The following MCF2L2 variants were observed in gnomAD, a reference collection of about 807,000 sequenced individuals.
MCF2L2 encodes the protein probable guanine nucleotide exchange factor MCF2L2.
Under a neutral mutation model 150.2 loss-of-function variants are expected in MCF2L2, and 102 were observed. The observed-to-expected ratio is 0.68, with a 90% CI of 0.58 to 0.80. MCF2L2 has a LOEUF of 0.80. MCF2L2 is among the 30% of genes least tolerant of loss of function. The probability of loss-of-function intolerance (pLI) is 0.00; values close to 1 mark genes in which losing one functional copy is unlikely to be tolerated. For missense variants in MCF2L2, 1,256 were observed against 1,372.8 expected (o/e 0.91, Z 1.34); for synonymous variants, 465 against 491.3 (o/e 0.95, Z 0.71).
At chr3:183,411,112 T>A (rs1715295635) in intron 1 of MCF2L2, among the ~76,000 whole-genome samples, 2 of 152,224 alleles carry the variant, frequency 1.3e-5, no homozygotes, top group African/African-American at 4.8e-5. Context: ...ATCCTGGTCC[T>A]GCCACTTACC....
intron 3 of MCF2L2, among the ~76,000 whole-genome samples, chr3:183,370,758 A>G (rs1712826006): frequency 6.6e-6 from 1 of 152,160 alleles, no homozygotes; most frequent in Admixed American, 6.5e-5. Flanking sequence ...GCCCTTTACT[A>G]CAATTTACTT....
In MCF2L2 at chr3:183,318,132, G is replaced by A; in HGVS notation, c.689C>T (p.Pro230Leu). The A allele has an allele frequency of 1.2e-6, 2 of 1,614,152 alleles. No homozygotes were observed. The highest frequency in any genetic ancestry group is 1.7e-6 in the Non-Finnish European group (2 of 1,180,030). Reference sequence around the variant, plus strand: ...GTCTTCCGTGGATAGCATGCTTCTGGGCAGCTCTGCTGTGGCCAGGCAGGA... The same window carrying A: ...GTCTTCCGTGGATAGCATGCTTCTGAGCAGCTCTGCTGTGGCCAGGCAGGA... ...FGSCLATAEL[P>L]RSMLSTEDLL... Residue 230 changes from proline to leucine, a missense_variant, in exon 7 of 30, where the codon CCC (proline) becomes CTC (leucine). By Grantham distance (98) the Pro-to-Leu change is moderately conservative. Transcript: ENST00000328913.
chr3:183,201,492 G>C (rs1165528344), intron 25 of MCF2L2, among the ~76,000 whole-genome samples: 2 of 152,222 alleles, frequency 1.3e-5, no homozygotes, highest in African/African-American at 4.8e-5. Context: ...CTGAGACTTT[G>C]CTGAAGTTGC....
intron 3 of MCF2L2, chr3:183,373,675 G>A (rs1252715377): frequency 6.6e-6 from 1 of 152,062 alleles, no homozygotes; most frequent in Non-Finnish European, 1.5e-5. Flanking sequence ...TGAAAATCCA[G>A]GTTTCACCCC....
At chr3:183,314,380 T>TA (rs1251987186) in intron 7 of MCF2L2, among the ~76,000 whole-genome samples, 1 of 152,152 alleles carries the variant, frequency 6.6e-6, no homozygotes, top group African/African-American at 2.4e-5. Flanking sequence ...TGTGTGAACA[T>TA]ACTGGTTTAA....
chr3:183,274,212 CA>C (rs141319160), intron 15 of MCF2L2, among the ~76,000 whole-genome samples: 2,390 of 126,416 alleles, frequency 0.019, 39 homozygotes, highest in African/African-American at 0.051. Flanking sequence ...GAGACTGTCT[CA>C]AAAAAAAAAA....
rs774613473 is a variant in MCF2L2 at position 183,216,128 on chromosome 3, A to C, written c.2371-34T>G. On this transcript the variant is annotated intron_variant, in intron 21 of 29. Coordinates refer to ENST00000328913, the MANE Select transcript of MCF2L2 (RefSeq NM_015078.4). The stretch of plus-strand genomic sequence containing the variant: ...AACAAATGCCTTGTTGGAAATCAAA[A>C]GTATACCATCTGCAAAGTGAAGAAG... 4 of 1,609,208 alleles carry C rather than the reference A, an allele frequency of 2.5e-6. No homozygotes were observed. The Admixed American group carries it at 5.0e-5, about 20-fold the overall frequency.
chr3:183,326,501 AAAAAAAAAAAAAAAAC>A (rs1171401030), intron 5 of MCF2L2, among the ~76,000 whole-genome samples: 2 of 147,770 alleles, frequency 1.4e-5, no homozygotes, highest in African/African-American at 2.5e-5. Context: ...TCAAAAAAAA[AAAAAAAAAAAAAAAAC>A]AAAAAAAAAC....
chr3:183,260,995 A>AT (rs1662095116), intron 15 of MCF2L2, among the ~76,000 whole-genome samples: 2 of 152,180 alleles, frequency 1.3e-5, no homozygotes, highest in African/African-American at 4.8e-5. Flanking sequence ...ATTAGGTAGA[A>AT]TTTCTTTTCT....
chr3:183,396,057 C>G (rs568900479), intron 1 of MCF2L2, among the ~76,000 whole-genome samples: 2 of 151,868 alleles, frequency 1.3e-5, no homozygotes, highest in East Asian at 1.9e-4. Context: ...ACACCCTCCC[C>G]CCATGAACAT....
intron 1 of MCF2L2, among the ~76,000 whole-genome samples, 187 bp from the exon 2 acceptor site, chr3:183,389,966 G>C (rs1714048929): frequency 6.6e-6 from 1 of 152,162 alleles, no homozygotes; most frequent in Non-Finnish European, 1.5e-5. Flanking sequence ...GTGTGCTTTG[G>C]AGCTTATGCA....
chr3:183,225,455 C>A (rs533559583), intron 18 of MCF2L2: 57 of 152,370 alleles, frequency 3.7e-4, no homozygotes, highest in African/African-American at 1.3e-3. Context: ...CAGCAACATA[C>A]AAAAGTGCCC....
chr3:183,379,575 C>T (rs1471103560), intron 2 of MCF2L2, among the ~76,000 whole-genome samples, 164 bp from the exon 3 acceptor site: 1 of 152,190 alleles, frequency 6.6e-6, no homozygotes, highest in Non-Finnish European at 1.5e-5. Flanking sequence ...AGTCTCTCTT[C>T]TCATTCATGC....
intron 1 of MCF2L2, among the ~76,000 whole-genome samples, chr3:183,416,237 T>C (rs1373373985): frequency 6.7e-6 from 1 of 148,574 alleles, no homozygotes; most frequent in Non-Finnish European, 1.5e-5. Flanking sequence ...AATTACTATG[T>C]TATATAACTT....
At chr3:183,322,312 G>C (rs1234841275) in intron 6 of MCF2L2, among the ~76,000 whole-genome samples, 1 of 152,170 alleles carries the variant, frequency 6.6e-6, no homozygotes, top group Admixed American at 6.5e-5. Flanking sequence ...ACTTTCAGGA[G>C]GCTTTCGTTA....
At chr3:183,378,133 C>CA in intron 3 of MCF2L2, 1 of 152,360 alleles carries the variant, frequency 6.6e-6, no homozygotes, top group Admixed American at 6.5e-5. Flanking sequence ...GGCAGCCTCT[C>CA]AGTCACAAAG....
chr3:183,280,420 T>C (rs201724969), intron 14 of MCF2L2, among the ~76,000 whole-genome samples: 2 of 141,680 alleles, frequency 1.4e-5, no homozygotes, highest in East Asian at 3.9e-4. Context: ...TTGAAATTGT[T>C]TTTTTTTTCT....
At chr3:183,375,120 A>G (rs894708232) in intron 3 of MCF2L2, 1 of 152,248 alleles carries the variant, frequency 6.6e-6, no homozygotes. Context: ...AATGTCAAGG[A>G]TAGTTTTCTT....
At position 183,270,196 on chromosome 3, in the gene MCF2L2, C is replaced by G; in HGVS notation, c.1862+6676G>C. ...ATCAAAACTCTGTTTGCCTTAGGAACTCCTAATCCACTGGAGGGAGAAGAA... is the reference window on the plus strand; with the variant it reads ...ATCAAAACTCTGTTTGCCTTAGGAAGTCCTAATCCACTGGAGGGAGAAGAA... On this transcript the variant is annotated intron_variant, in intron 15 of 29. Coordinates refer to ENST00000328913, the MANE Select transcript of MCF2L2 (RefSeq NM_015078.4). The surrounding 1 kb of genome is among the most constrained non-coding windows in gnomAD (Gnocchi z 4.5). 1 of 1,614,164 alleles carries G rather than the reference C, an allele frequency of 6.2e-7. No individual in the cohort carries two copies. The highest frequency in any genetic ancestry group is 8.5e-7 in the Non-Finnish European group (1 of 1,180,026).
Sources: gnomAD v4.1 joint callset for allele counts (sites outside exome capture counted in the v4.1 genomes callset) on GRCh38, gnomAD v4.1.1 for gene constraint, Gnocchi (gnomAD v3.1) non-coding constraint, MANE v1.5 for transcripts, NCBI Gene and HGNC (gene_info 2026-07-23, HGNC 2026-07-21) for gene names.